The following STOX1 variants were observed in gnomAD, a reference collection of about 807,000 sequenced individuals.
STOX1 encodes the protein storkhead box 1.
Under a neutral mutation model 74.8 loss-of-function variants are expected in STOX1, and 57 were observed. That is an observed-to-expected ratio of 0.76 (90% CI 0.62 to 0.95). STOX1 has a LOEUF of 0.95. Ranked by LOEUF, STOX1 falls within the 40% of genes least tolerant of loss-of-function variation. The pLI, the probability that STOX1 is intolerant of heterozygous loss-of-function variation, is 0.00. For synonymous variants in STOX1, 375 were observed against 401.3 expected, an observed-to-expected ratio of 0.93 and a Z score of 0.78; for missense variants, 1,010 against 1,117.0, an observed-to-expected ratio of 0.90 and a Z score of 1.37.
At chr10:68,894,038 T>C (rs926507564), downstream of STOX1, among the ~76,000 whole-genome samples, 5 of 151,898 alleles carry the variant, frequency 3.3e-5, no homozygotes, top group African/African-American at 7.3e-5. Flanking sequence ...GGTGCTGATT[T>C]ATGGTTGAGG....
At chr10:68,866,066 C>T (rs550147647) in intron 1 of STOX1, among the ~76,000 whole-genome samples, 2 of 152,104 alleles carry the variant, frequency 1.3e-5, no homozygotes, top group Middle Eastern at 6.8e-3. Context: ...GGACATACCC[C>T]ATTTCATGCA....
chr10:68,831,501 G>A (rs1348639201), intron 1 of STOX1, among the ~76,000 whole-genome samples: 2 of 151,960 alleles, frequency 1.3e-5, no homozygotes, highest in African/African-American at 2.4e-5. Flanking sequence ...TTTTTTAAAG[G>A]CTAATTTACT....
intron 1 of STOX1, chr10:68,846,972 A>C (rs141285102): frequency 6.6e-6 from 1 of 152,356 alleles, no homozygotes; most frequent in Non-Finnish European, 1.5e-5. Flanking sequence ...TTAACAATCA[A>C]TATTGGGTCT....
At chr10:68,831,301 C>A (rs941707119) in intron 1 of STOX1, among the ~76,000 whole-genome samples, 6 of 152,076 alleles carry the variant, frequency 3.9e-5, no homozygotes, top group Admixed American at 6.6e-5. Context: ...AATTCTCCTG[C>A]CTCAGCATCC....
chr10:68,833,080 G>GT (rs1185911507), intron 1 of STOX1, among the ~76,000 whole-genome samples: 3,602 of 104,536 alleles, frequency 0.034, 51 homozygotes, highest in African/African-American at 0.048. Context: ...ACTTCTGTGG[G>GT]TTTTTTTTTT....
intron 1 of STOX1, among the ~76,000 whole-genome samples, chr10:68,848,136 G>C (rs1457752707): frequency 6.6e-6 from 1 of 151,652 alleles, no homozygotes; most frequent in Non-Finnish European, 1.5e-5. Flanking sequence ...GGCCAGCCCT[G>C]ACCTGGGTGC....
chr10:68,828,995 G>T, intron 1 of STOX1: 1 of 985,404 alleles, frequency 1.0e-6, no homozygotes, highest in Non-Finnish European at 1.2e-6. Flanking sequence ...AACCCAGGCA[G>T]GTGTGTCAGC....
In STOX1 at chr10:68,884,753, C is replaced by G; in HGVS notation, c.957C>G (p.Ser319Arg). 6.2e-7 allele frequency: 1 copy of G among 1,614,172 alleles called. No homozygotes were observed. Among genetic ancestry groups the G allele is most frequent in the East Asian group, 2.2e-5 (1 of 44,886 alleles). The change falls in exon 3 of 4, where the codon AGC becomes AGG. Residue 319 changes from serine to arginine, a missense_variant. Coordinates refer to ENST00000298596, the MANE Select transcript of STOX1 (RefSeq NM_152709.5). ...KKFGFSLLWR[S>R]LSRKEKPKTE... ...TTGGTTTTAGTCTCTTATGGCGCAG[C>G]TTATCTAGAAAGGAGAAGCCCAAAA...
At chr10:68,880,164 C>CTTTTTTTTTTTTTTTTTTTTTTTTT (rs71028800) in intron 1 of STOX1, among the ~76,000 whole-genome samples, 5 of 124,416 alleles carry the variant, frequency 4.0e-5, no homozygotes, top group Admixed American at 8.6e-5. Flanking sequence ...TCTTTCTTTC[C>CTTTTTTTTTTTTTTTTTTTTTTTTT]TTTTTTTTTT....
At chr10:68,847,921 G>C (rs1839893830) in intron 1 of STOX1, among the ~76,000 whole-genome samples, 1 of 152,112 alleles carries the variant, frequency 6.6e-6, no homozygotes, top group Admixed American at 6.6e-5. Flanking sequence ...AGTAGAGACG[G>C]GGTTTCTCCA....
At chr10:68,895,063 G>A (rs985875505), downstream of STOX1, among the ~76,000 whole-genome samples, 3 of 152,200 alleles carry the variant, frequency 2.0e-5, no homozygotes, top group African/African-American at 4.8e-5. Context: ...GATGAAGTAG[G>A]TAGCTTTGGA....
intron 1 of STOX1, among the ~76,000 whole-genome samples, chr10:68,854,632 G>A (rs1840076627): frequency 6.6e-6 from 1 of 152,026 alleles, no homozygotes; most frequent in South Asian, 2.1e-4. Flanking sequence ...CTCACTACAG[G>A]TATGCTGCCC....
downstream of STOX1, chr10:68,893,161 GA>G: frequency 5.5e-6 from 1 of 183,212 alleles, no homozygotes; most frequent in Non-Finnish European, 1.1e-5. Context: ...AGTGTGTGTT[GA>G]AGCAGTGTCT....
chr10:68,884,448 A>G lies in STOX1; in HGVS notation c.652A>G (p.Met218Val), dbSNP rs1461395724. 1 of 1,613,992 alleles carries G rather than the reference A, an allele frequency of 6.2e-7. No homozygotes were observed. The highest frequency in any genetic ancestry group is 8.5e-7 in the Non-Finnish European group (1 of 1,180,040). ...SDESRLMPAS[M>V]TYLVSMESCA... ...TGAAAGTCGCCTGATGCCAGCTTCCATGACATATCTGGTGAGCATGGAGAG... is the reference window on the plus strand; with the variant it reads ...TGAAAGTCGCCTGATGCCAGCTTCCGTGACATATCTGGTGAGCATGGAGAG... Residue 218 changes from methionine to valine, a missense_variant, in exon 3 of 4, where the codon ATG (methionine) becomes GTG (valine). Transcript: ENST00000298596.
intron 1 of STOX1, among the ~76,000 whole-genome samples, chr10:68,861,066 G>A (rs1840255417): frequency 6.6e-6 from 1 of 151,918 alleles, no homozygotes; most frequent in African/African-American, 2.4e-5. Flanking sequence ...AAATTAGCCG[G>A]GCATGATGGC....
intron 1 of STOX1, among the ~76,000 whole-genome samples, chr10:68,850,022 T>C (rs1839944507): frequency 6.6e-6 from 1 of 152,092 alleles, no homozygotes; most frequent in Non-Finnish European, 1.5e-5. Flanking sequence ...TTTTTTGTTT[T>C]TGTTTTTGTT....
intron 1 of STOX1, chr10:68,828,161 CG>C: frequency 1.4e-5 from 8 of 571,992 alleles, no homozygotes; most frequent in Non-Finnish European, 1.5e-5. Flanking sequence ...CTGGCTGCGG[CG>C]GGGGGTGCTG....
chr10:68,851,029 C>T (rs977271061), intron 1 of STOX1, among the ~76,000 whole-genome samples: 6 of 151,276 alleles, frequency 4.0e-5, no homozygotes, highest in African/African-American at 1.5e-4. Context: ...GCAAGAGAGG[C>T]CAGGTGCGGT....
chr10:68,882,213 C>G (rs1465650610), intron 2 of STOX1, 103 bp downstream of exon 2: 1 of 1,153,424 alleles, frequency 8.7e-7, no homozygotes, highest in African/African-American at 1.5e-5. Context: ...CTTTTTTCCC[C>G]TCTTCTATAG....
Sources: gnomAD v4.1 joint callset for allele counts (sites outside exome capture counted in the v4.1 genomes callset) on GRCh38, gnomAD v4.1.1 for gene constraint, MANE v1.5 for transcripts, NCBI Gene and HGNC (gene_info 2026-07-23, HGNC 2026-07-21) for gene names.